NTRK2: variants seen among roughly 807,000 people sequenced by gnomAD.
NTRK2 encodes the protein neurotrophic receptor tyrosine kinase 2.
Under a neutral mutation model 94.5 loss-of-function variants are expected in NTRK2, and 13 were observed. The ratio of observed to expected loss-of-function variants is 0.14; its 90% CI spans 0.09 to 0.22. The LOEUF (loss-of-function observed/expected upper bound fraction) is 0.22. NTRK2 is among the 10% of genes least tolerant of loss of function. The pLI is 1.00. For synonymous variants in NTRK2, 372 were observed against 407.4 expected, an observed-to-expected ratio of 0.91 and a Z score of 1.05; for missense variants, 639 against 1,071.2, an observed-to-expected ratio of 0.60 and a Z score of 5.63.
chr9:84,818,753 G>A (rs1294215920), intron 12 of NTRK2, among the ~76,000 whole-genome samples: 1 of 152,174 alleles, frequency 6.6e-6, no homozygotes, highest in Non-Finnish European at 1.5e-5. Flanking sequence ...TCTCTGGTGA[G>A]TGAACTTGAG....
intron 12 of NTRK2, among the ~76,000 whole-genome samples, chr9:84,821,961 G>T (rs2131586784): frequency 6.6e-6 from 1 of 152,208 alleles, no homozygotes; most frequent in South Asian, 2.1e-4. Context: ...TCAACAAAAT[G>T]AAAATCTAGA....
intron 12 of NTRK2, among the ~76,000 whole-genome samples, chr9:84,832,977 G>C (rs939384189): frequency 6.6e-6 from 1 of 152,134 alleles, no homozygotes; most frequent in East Asian, 1.9e-4. Flanking sequence ...TGAGAAGGCC[G>C]TGCTGGGCTG....
At chr9:85,016,990 G>T (rs1832306501) in intron 17 of NTRK2, among the ~76,000 whole-genome samples, 1 of 152,126 alleles carries the variant, frequency 6.6e-6, no homozygotes, top group South Asian at 2.1e-4. Context: ...TTCTTTAAAG[G>T]AAACAGAAGC....
At chr9:84,706,024 G>A (rs1313593005) in intron 4 of NTRK2, among the ~76,000 whole-genome samples, 1 of 151,826 alleles carries the variant, frequency 6.6e-6, no homozygotes, top group East Asian at 1.9e-4. Context: ...TCCCAACCTC[G>A]GGTGATCCAA....
At chr9:84,772,619 G>C (rs1204514815) in intron 12 of NTRK2, among the ~76,000 whole-genome samples, 3 of 152,176 alleles carry the variant, frequency 2.0e-5, no homozygotes, top group African/African-American at 7.2e-5. Flanking sequence ...GTCTAGAGGA[G>C]GCCTGACATC....
intron 16 of NTRK2, among the ~76,000 whole-genome samples, chr9:84,952,583 G>C (rs1010668841): frequency 9.9e-5 from 15 of 152,198 alleles, no homozygotes; most frequent in Non-Finnish European, 1.9e-4. Context: ...TTCCTCTTAA[G>C]GACTTGTGTA....
rs1238064532 is a variant in NTRK2, at chr9:84,944,213, T to TCACA, written c.1765-4248_1765-4247insACAC. On this transcript the variant is annotated intron_variant, in intron 15 of 18. Transcript: ENST00000277120. Reference sequence around the variant, plus strand: ...CTTGTTCTCTCTCTCTCTCTCTCTCTCTCACACACACACACACACACACAC... The same window carrying TCACA: ...CTTGTTCTCTCTCTCTCTCTCTCTCTCACACTCACACACACACACACACACACAC... Among the ~76,000 whole-genome samples, 366 of 136,860 alleles carry TCACA rather than the reference T, an allele frequency of 2.7e-3. 3 individuals carry two copies. Among genetic ancestry groups the TCACA allele is most frequent in the East Asian group, 0.014 (67 of 4,736 alleles). 89.8% of individuals were successfully genotyped at this position (136,860 alleles called of 152,430 possible).
chr9:85,021,989 A>G lies in NTRK2; in HGVS notation c.*552A>G, dbSNP rs1034027051. On this transcript the variant is annotated 3_prime_UTR_variant, in exon 19 of 19. Coordinates refer to ENST00000277120, the MANE Select transcript of NTRK2 (RefSeq NM_006180.6). ...TCACTTCTATTTATTTATTATTATT[A>G]CTGTTCTTATTGTTTTTGGATGGCT... 4.2e-6 allele frequency: 1 copy of G among 239,328 alleles called. No individual in the cohort carries two copies. Among genetic ancestry groups the G allele is most frequent in the Non-Finnish European group, 8.2e-6 (1 of 121,776 alleles). 14.8% of individuals were successfully genotyped at this position (239,328 alleles called of 1,614,324 possible). A position where few individuals can be genotyped will look rare whatever the true frequency, so the allele number is the denominator to read the frequency against.
chr9:84,754,681 G>C (rs888376342), intron 12 of NTRK2, among the ~76,000 whole-genome samples: 34 of 152,282 alleles, frequency 2.2e-4, no homozygotes, highest in African/African-American at 7.0e-4. Flanking sequence ...CTTTGGCCAG[G>C]ACTAGGCACC....
intron 14 of NTRK2, among the ~76,000 whole-genome samples, chr9:84,871,369 C>T (rs563293170): frequency 6.6e-6 from 1 of 152,140 alleles, no homozygotes; most frequent in South Asian, 2.1e-4. Context: ...TTTAAGACAC[C>T]GGGTGAGATA....
At chr9:84,687,920 C>G (rs562275586) in intron 2 of NTRK2, among the ~76,000 whole-genome samples, 1 of 152,146 alleles carries the variant, frequency 6.6e-6, no homozygotes, top group Admixed American at 6.5e-5. Flanking sequence ...CTACAAGGGA[C>G]CTCATAGGCA....
rs569318289 is a variant in NTRK2, at chr9:84,852,905, G to A, written c.1397-8135G>A. On this transcript the variant is annotated intron_variant, in intron 12 of 18. Coordinates refer to ENST00000277120, the MANE Select transcript of NTRK2 (RefSeq NM_006180.6). ...CTTTTATTTTTAAAATGCTGCAACA[G>A]AAGCTGATTAATTTTCAAATTAAAG... Among the ~76,000 whole-genome samples, 3 of 152,270 alleles carry A rather than the reference G, an allele frequency of 2.0e-5. No individual in the cohort carries two copies. The South Asian group carries it at 6.2e-4, about 32-fold the overall frequency.
chr9:84,755,525 C>CTTTTTTTTTTTTTTTTTTTT (rs745611460), intron 12 of NTRK2, among the ~76,000 whole-genome samples: 3 of 60,656 alleles, frequency 4.9e-5, no homozygotes, highest in East Asian at 4.9e-4. Context: ...AGTCCCACCT[C>CTTTTTTTTTTTTTTTTTTTT]TTTTTTTTTT....
chr9:84,884,995 A>G (rs1047726676), intron 14 of NTRK2, among the ~76,000 whole-genome samples: 11 of 152,238 alleles, frequency 7.2e-5, no homozygotes, highest in African/African-American at 2.7e-4. Context: ...TAAAATATGT[A>G]CTGGATATAG....
chr9:84,810,437 G>T (rs559224244), intron 12 of NTRK2: 66 of 1,049,548 alleles, frequency 6.3e-5, no homozygotes, highest in South Asian at 5.3e-4. Context: ...TCTCATTTTT[G>T]ATGTTTATTT....
At chr9:84,745,541 A>AGCTTT in intron 11 of NTRK2, among the ~76,000 whole-genome samples, 1 of 152,332 alleles carries the variant, frequency 6.6e-6, no homozygotes, top group Non-Finnish European at 1.5e-5. Context: ...GGTGAATATT[A>AGCTTT]GCACCTCAAA....
intron 17 of NTRK2, among the ~76,000 whole-genome samples, chr9:85,015,946 G>A (rs1832177167): frequency 6.6e-6 from 1 of 152,208 alleles, no homozygotes; most frequent in Admixed American, 6.5e-5. Context: ...AATGGGGAAA[G>A]GTTTGGTATG....
intron 12 of NTRK2, among the ~76,000 whole-genome samples, chr9:84,783,964 G>A (rs575675418): frequency 6.6e-6 from 1 of 152,280 alleles, no homozygotes; most frequent in African/African-American, 2.4e-5. Context: ...GAAGACTGGG[G>A]TGTGATGGGA....
chr9:85,020,414 G>A (rs2117955564), intron 18 of NTRK2, 50 bp downstream of exon 18: 1 of 1,596,866 alleles, frequency 6.3e-7, no homozygotes, highest in Non-Finnish European at 8.6e-7. Flanking sequence ...GATCCCAGAG[G>A]CATCCATTGG....
Sources: allele counts gnomAD v4.1 joint callset (sites outside exome capture counted in the v4.1 genomes callset), GRCh38; gene constraint gnomAD v4.1.1; transcripts MANE v1.5; gene names NCBI Gene and HGNC (gene_info 2026-07-23, HGNC 2026-07-21).